The following PTPRT variants were observed in gnomAD, a reference collection of about 807,000 sequenced individuals.
PTPRT encodes the protein protein tyrosine phosphatase receptor type T, also known as receptor-type tyrosine-protein phosphatase T.
Under a neutral mutation model 176.8 loss-of-function variants are expected in PTPRT, and 56 were observed. The observed-to-expected ratio is 0.32, with a 90% CI of 0.26 to 0.40. The LOEUF (loss-of-function observed/expected upper bound fraction) is 0.40, where lower values mean the gene tolerates loss of function less well. Among genes scored for constraint, PTPRT ranks in the 10% least tolerant of loss-of-function variants. The pLI, the probability that PTPRT is intolerant of heterozygous loss-of-function variation, is 1.00. For synonymous variants in PTPRT, 783 were observed against 739.0 expected, an observed-to-expected ratio of 1.06 and a Z score of -0.96; for missense variants, 1,540 against 1,908.2, an observed-to-expected ratio of 0.81 and a Z score of 3.60.
At chr20:42,369,330 C>T (rs1254162190) in intron 9 of PTPRT, among the ~76,000 whole-genome samples, 1 of 152,158 alleles carries the variant, frequency 6.6e-6, no homozygotes, top group African/African-American at 2.4e-5. Context: ...ATAAATAACT[C>T]ATGAACCGTG....
At chr20:42,273,370 C>T (rs2147011932) in intron 13 of PTPRT, among the ~76,000 whole-genome samples, 1 of 152,272 alleles carries the variant, frequency 6.6e-6, no homozygotes. Context: ...CATGCACCAC[C>T]ATGCCAAGCT....
chr20:42,383,102 A>G (rs1263384795), intron 9 of PTPRT, among the ~76,000 whole-genome samples: 1 of 152,196 alleles, frequency 6.6e-6, no homozygotes, highest in African/African-American at 2.4e-5. Flanking sequence ...CCTGGTATCT[A>G]AAGTGCACTC....
chr20:42,041,295 A>T, the PTPRT span, among the ~76,000 whole-genome samples: 1 of 152,152 alleles, frequency 6.6e-6, no homozygotes, highest in East Asian at 1.9e-4. Context: ...AGATTGATTG[A>T]TTTTTGTGAG....
At chr20:42,081,053 C>A in intron 30 of PTPRT, 121 bp from the exon 31 acceptor site, 1 of 752,268 alleles carries the variant, frequency 1.3e-6, no homozygotes, top group South Asian at 1.7e-5. Context: ...TTTCTATATC[C>A]ATATTATGTC....
At chr20:42,282,546 A>T in intron 12 of PTPRT, 21 bp from the exon 13 acceptor site, 1 of 1,594,200 alleles carries the variant, frequency 6.3e-7, no homozygotes, top group Non-Finnish European at 8.6e-7. Context: ...CAAAAATGAG[A>T]TGCCAATTAA....
intron 2 of PTPRT, among the ~76,000 whole-genome samples, chr20:42,818,876 A>G (rs2077839242): frequency 6.6e-6 from 1 of 152,190 alleles, no homozygotes; most frequent in Non-Finnish European, 1.5e-5. Context: ...GGAATGAACA[A>G]AGCCTCCAAG....
At chr20:42,562,376 C>G (rs1336991278) in intron 7 of PTPRT, among the ~76,000 whole-genome samples, 1 of 152,176 alleles carries the variant, frequency 6.6e-6, no homozygotes, top group Non-Finnish European at 1.5e-5. Flanking sequence ...TTGCGTCCAG[C>G]TTTGTTTGTT....
At chr20:43,031,340 C>T (rs116024402) in intron 1 of PTPRT, among the ~76,000 whole-genome samples, 3,879 of 152,192 alleles carry the variant, frequency 0.025, 176 homozygotes, top group African/African-American at 0.089. Context: ...CACCCTCACA[C>T]GGAACAACAA....
At chr20:42,358,697 G>A (rs574143912) in intron 9 of PTPRT, among the ~76,000 whole-genome samples, 6 of 152,312 alleles carry the variant, frequency 3.9e-5, no homozygotes, top group South Asian at 4.1e-4. Context: ...AAGTAGAAAA[G>A]GTGCCTGTCT....
At chr20:42,592,661 C>T (rs528795728) in intron 7 of PTPRT, among the ~76,000 whole-genome samples, 2 of 152,262 alleles carry the variant, frequency 1.3e-5, no homozygotes, top group African/African-American at 4.8e-5. Context: ...ACAAGGCTAG[C>T]CCCTCTGAAG....
intron 25 of PTPRT, among the ~76,000 whole-genome samples, chr20:42,104,368 G>A (rs1986230545): frequency 6.6e-6 from 1 of 152,154 alleles, no homozygotes; most frequent in Admixed American, 6.6e-5. Context: ...ACGTGAATAT[G>A]CAACGAGAAG....
At chr20:42,757,474 C>T (rs1385394863) in intron 5 of PTPRT, among the ~76,000 whole-genome samples, 1 of 152,196 alleles carries the variant, frequency 6.6e-6, no homozygotes, top group Non-Finnish European at 1.5e-5. Context: ...TCTTCCTTGG[C>T]ACATGCTCTT....
At chr20:42,611,567 A>ACT (rs144342811) in intron 7 of PTPRT, among the ~76,000 whole-genome samples, 18,158 of 151,708 alleles carry the variant, frequency 0.12, 2,685 homozygotes, top group African/African-American at 0.35. Flanking sequence ...ATCCCAGTCC[A>ACT]CTCTCAGGCC....
intron 13 of PTPRT, among the ~76,000 whole-genome samples, chr20:42,252,730 A>G (rs2056567237): frequency 6.6e-6 from 1 of 152,206 alleles, no homozygotes; most frequent in African/African-American, 2.4e-5. Flanking sequence ...CAACGACCAT[A>G]AACCTACAAA....
rs138312366 is a variant in PTPRT, at chr20:42,930,848, T to G, written c.89-44916A>C. 1.6e-3 allele frequency among the ~76,000 whole-genome samples: 249 copies of G among 152,294 alleles called. 2 individuals carry two copies. The highest frequency in any genetic ancestry group is 5.8e-3 in the African/African-American group (241 of 41,554). On this transcript the variant is annotated intron_variant, in intron 1 of 30. Transcript: ENST00000373187. ...AAAACTTTATACCATAGCTACCACA[T>G]GTACCTTTCAGCAAGTAGCAAGATA...
rs983438068 is a variant in PTPRT, at chr20:42,074,618, C to T, written c.*6261G>A. ...GATTTTCTTTCATCCTGAGCCCTTG[C>T]ACTTCCCTTGTATCTGCCCCAGTGG... On this transcript the variant is annotated 3_prime_UTR_variant, in exon 31 of 31. Transcript: ENST00000373187. 2 of 396,008 alleles carry T rather than the reference C, an allele frequency of 5.1e-6. No individual in the cohort carries two copies. Among genetic ancestry groups the T allele is most frequent in the African/African-American group, 2.1e-5 (1 of 48,604 alleles). The allele number at this position is 396,008 out of a possible 1,614,324, so 24.5% of individuals were successfully genotyped here.
At chr20:42,839,835 A>G (rs1484773314) in intron 2 of PTPRT, among the ~76,000 whole-genome samples, 1 of 152,120 alleles carries the variant, frequency 6.6e-6, no homozygotes, top group Non-Finnish European at 1.5e-5. Flanking sequence ...AGAGCTTTAA[A>G]AATTCTAATA....
chr20:42,050,083 C>T, the PTPRT span, among the ~76,000 whole-genome samples: 1 of 152,226 alleles, frequency 6.6e-6, no homozygotes, highest in Non-Finnish European at 1.5e-5. Flanking sequence ...TGCTTGCATG[C>T]ACAGCTTGGA....
chr20:43,161,876 C>A (rs1288762469), intron 1 of PTPRT, among the ~76,000 whole-genome samples: 1 of 152,166 alleles, frequency 6.6e-6, no homozygotes, highest in Non-Finnish European at 1.5e-5. Flanking sequence ...CCAGGAGGGT[C>A]CTCAGATCGT....
Sources: gnomAD v4.1 joint callset for allele counts (sites outside exome capture counted in the v4.1 genomes callset) on GRCh38, gnomAD v4.1.1 for gene constraint, MANE v1.5 for transcripts, NCBI Gene and HGNC (gene_info 2026-07-23, HGNC 2026-07-21) for gene names.